ULK4: variants seen among roughly 807,000 people sequenced by gnomAD.
ULK4 encodes unc-51 like kinase 4.
In ULK4, 133 loss-of-function variants were observed where a neutral mutation model predicts 160.6. The ratio of observed to expected loss-of-function variants is 0.83; its 90% CI spans 0.72 to 0.96. The LOEUF (loss-of-function observed/expected upper bound fraction) is 0.96, where lower values mean the gene tolerates loss of function less well. ULK4 is among the 40% of genes least tolerant of loss of function. The pLI is 0.00. For synonymous variants in ULK4, 534 were observed against 539.8 expected, an observed-to-expected ratio of 0.99 and a Z score of 0.15; for missense variants, 1,580 against 1,499.5, an observed-to-expected ratio of 1.05 and a Z score of -0.89.
At chr3:41,646,981 G>A (rs572087522) in intron 30 of ULK4, among the ~76,000 whole-genome samples, 21 of 152,136 alleles carry the variant, frequency 1.4e-4, no homozygotes, top group East Asian at 3.9e-4. Context: ...CCAGTTGATC[G>A]CATCGGCTCC....
chr3:41,907,167 G>A (rs1312809463), intron 12 of ULK4, among the ~76,000 whole-genome samples: 1 of 152,162 alleles, frequency 6.6e-6, no homozygotes, highest in Non-Finnish European at 1.5e-5. Flanking sequence ...AAGTACTGGA[G>A]AAACATGGGG....
intron 30 of ULK4, among the ~76,000 whole-genome samples, chr3:41,645,532 T>A (rs145705860): frequency 0.019 from 2,831 of 152,284 alleles, 80 homozygotes; most frequent in African/African-American, 0.063. Context: ...TCAGTTCTAG[T>A]TTGATTGCAC....
chr3:41,398,380 CT>C (rs2082110217), intron 34 of ULK4, 116 bp from the exon 35 acceptor site: 4 of 956,936 alleles, frequency 4.2e-6, no homozygotes, highest in Non-Finnish European at 4.5e-6. Context: ...CTGCTGAATA[CT>C]TTTTTACTTT....
chr3:41,798,637 T>C (rs897008297), intron 20 of ULK4, among the ~76,000 whole-genome samples: 3 of 152,062 alleles, frequency 2.0e-5, no homozygotes, highest in Non-Finnish European at 2.9e-5. Context: ...CAGTACCAGA[T>C]TGGGCTAAAA....
intron 35 of ULK4, among the ~76,000 whole-genome samples, chr3:41,262,591 G>C (rs146381806): frequency 6.1e-4 from 93 of 152,172 alleles, no homozygotes; most frequent in African/African-American, 2.1e-3. Context: ...CTGTACCTGT[G>C]GGCACCTGCC....
rs552118845 is a variant in ULK4 at position 41,371,236 on chromosome 3, T to C, written c.3678+26843A>G. ...GGCACAGCTTCAGCAGACTTAAATG[T>C]TCCTGCTTGCTGGGTCTGAAGAGAG... On this transcript the variant is annotated intron_variant, in intron 35 of 36. Coordinates refer to ENST00000301831, the MANE Select transcript of ULK4 (RefSeq NM_017886.4). Among the ~76,000 whole-genome samples, 5 of 152,306 alleles carry C rather than the reference T, an allele frequency of 3.3e-5. No individual in the cohort carries two copies. In the South Asian group the frequency reaches 1.0e-3, roughly 32 times the overall value.
At chr3:41,657,605 G>A (rs2034986430) in intron 30 of ULK4, among the ~76,000 whole-genome samples, 1 of 151,864 alleles carries the variant, frequency 6.6e-6, no homozygotes, top group South Asian at 2.1e-4. Flanking sequence ...GGACCATGAG[G>A]TTAGGAGTTC....
At chr3:41,672,986 C>T (rs1398509858) in intron 29 of ULK4, among the ~76,000 whole-genome samples, 3 of 152,030 alleles carry the variant, frequency 2.0e-5, no homozygotes, top group Admixed American at 6.6e-5. Flanking sequence ...TACAGGCACA[C>T]ATCACCATGC....
intron 18 of ULK4, among the ~76,000 whole-genome samples, chr3:41,834,578 G>C (rs2041698503): frequency 6.6e-6 from 1 of 152,322 alleles, no homozygotes; most frequent in East Asian, 1.9e-4. Context: ...CGGATTTGCT[G>C]TACCAGCTAT....
At chr3:41,315,927 C>G (rs1222700194) in intron 35 of ULK4, among the ~76,000 whole-genome samples, 1 of 152,186 alleles carries the variant, frequency 6.6e-6, no homozygotes, top group Non-Finnish European at 1.5e-5. Context: ...AATCAGAACT[C>G]TCATACACTG....
intron 30 of ULK4, among the ~76,000 whole-genome samples, chr3:41,619,369 T>C (rs930187898): frequency 6.6e-6 from 1 of 152,112 alleles, no homozygotes; most frequent in Non-Finnish European, 1.5e-5. Flanking sequence ...GACCACATAA[T>C]TAGAAGTAAA....
chr3:41,720,862 T>C (rs796203578), intron 22 of ULK4, among the ~76,000 whole-genome samples: 129 of 152,244 alleles, frequency 8.5e-4, no homozygotes, highest in African/African-American at 3.0e-3. Flanking sequence ...AGTAATTTCA[T>C]CTCTAGGAAC....
chr3:41,876,631 T>C (rs1697312849), intron 17 of ULK4, among the ~76,000 whole-genome samples: 1 of 152,126 alleles, frequency 6.6e-6, no homozygotes, highest in South Asian at 2.1e-4. Context: ...AATAGCCAAA[T>C]ACAGAAAACA....
intron 17 of ULK4, among the ~76,000 whole-genome samples, chr3:41,871,992 A>C (rs961975611): frequency 1.2e-4 from 18 of 152,326 alleles, no homozygotes; most frequent in African/African-American, 3.4e-4. Flanking sequence ...TTTCCTCTAC[A>C]GAGTACTGAG....
intron 32 of ULK4, among the ~76,000 whole-genome samples, chr3:41,473,130 C>T (rs970566511): frequency 2.6e-5 from 4 of 152,122 alleles, no homozygotes; most frequent in Admixed American, 1.3e-4. Flanking sequence ...GCATAGGTAA[C>T]ATTACATTCA....
At chr3:41,676,908 C>CTTTTTTTTTTGT (rs2035739453) in intron 29 of ULK4, among the ~76,000 whole-genome samples, 1 of 91,288 alleles carries the variant, frequency 1.1e-5, no homozygotes, top group African/African-American at 4.4e-5. Context: ...CACCCCCAAC[C>CTTTTTTTTTTGT]TTTTTTTTTT....
At chr3:41,648,003 G>C (rs1363852340) in intron 30 of ULK4, among the ~76,000 whole-genome samples, 2 of 152,242 alleles carry the variant, frequency 1.3e-5, no homozygotes, top group South Asian at 4.1e-4. Flanking sequence ...TCCGAGCCAG[G>C]TGCAGGATAT....
intron 34 of ULK4, among the ~76,000 whole-genome samples, chr3:41,415,867 A>G (rs1250492950): frequency 1.3e-5 from 2 of 152,224 alleles, no homozygotes; most frequent in South Asian, 2.1e-4. Flanking sequence ...AATGTGCCAA[A>G]TAAGTGTGTC....
chr3:41,261,807 C>T (rs1246100985), intron 35 of ULK4, among the ~76,000 whole-genome samples: 1 of 152,140 alleles, frequency 6.6e-6, no homozygotes. Flanking sequence ...TGGAGAGCAC[C>T]ATACTTTTGG....
Sources: gnomAD v4.1 joint callset for allele counts (sites outside exome capture counted in the v4.1 genomes callset) on GRCh38, gnomAD v4.1.1 for gene constraint, MANE v1.5 for transcripts, NCBI Gene and HGNC (gene_info 2026-07-23, HGNC 2026-07-21) for gene names.